Variants in IARS2 observed in about 807,000 individuals in gnomAD.
The protein encoded by IARS2 is isoleucine--tRNA ligase, mitochondrial.
A neutral mutation model predicts 126.3 loss-of-function variants in IARS2; 56 were observed. That is an observed-to-expected ratio of 0.44 (90% CI 0.36 to 0.55). The LOEUF (loss-of-function observed/expected upper bound fraction) is 0.55. IARS2 is among the 20% of genes least tolerant of loss of function. The pLI is 0.00. For missense variants in IARS2, 1,127 were observed against 1,245.9 expected, an observed-to-expected ratio of 0.90 and a Z score of 1.44; for synonymous variants, 407 against 441.1, an observed-to-expected ratio of 0.92 and a Z score of 0.97.
rs745688807 is a variant in IARS2, at chr1:220,102,313, G to C, written c.699+36G>C. The C allele has an allele frequency of 2.5e-6, 4 of 1,607,546 alleles. No homozygotes were observed. The Admixed American group carries it at 6.9e-5, about 28-fold the overall frequency. On this transcript the variant is annotated intron_variant, in intron 4 of 22. Transcript: ENST00000366922. ...ATTTTTTCTCTTTGAGTAGGTTTTA[G>C]TATGCGTTACAAGATTCTACTTTTA... is the stretch of plus-strand genomic sequence containing the variant.
Position 220,138,987 on chromosome 1 carries a change from AT to A in IARS2, c.2176-15del, listed in dbSNP as rs760401131. On this transcript the variant is annotated intron_variant, in intron 17 of 22. Transcript: ENST00000366922. ...CACCATTAGATTTTTTTAACTGCAT[AT>A]TTTTTCTTCCTATGAATAGCTTAGG... 4 of 1,594,190 alleles carry A rather than the reference AT, an allele frequency of 2.5e-6. 1 individual carries two copies. The highest frequency in any genetic ancestry group is 2.2e-5 in the East Asian group (1 of 44,588).
intron 14 of IARS2, among the ~76,000 whole-genome samples, chr1:220,132,849 A>T (rs771321997): frequency 6.6e-6 from 1 of 151,330 alleles, no homozygotes; most frequent in Non-Finnish European, 1.5e-5. Flanking sequence ...TTCATTTCTG[A>T]TTTTGTTTAT....
intron 3 of IARS2, among the ~76,000 whole-genome samples, chr1:220,101,456 G>A (rs912933495): frequency 3.9e-5 from 6 of 152,150 alleles, no homozygotes; most frequent in African/African-American, 1.4e-4. Context: ...AGCACTTTGG[G>A]AGGCTGAGGG....
rs1222455445 is a variant in IARS2, at chr1:220,094,428, T to TC, written c.216dup (p.Met73HisfsTer41). ...ACGGTGCTGCTGCCGCAGACGAGCT[T>TC]CCCCATGAAGCTGCTGGGCCGCCAG... On this transcript the variant is annotated frameshift_variant, in exon 1 of 23. Transcript: ENST00000366922. LOFTEE classifies it high-confidence loss of function. 1 of 1,611,730 alleles carries TC rather than the reference T, an allele frequency of 6.2e-7. No individual in the cohort carries two copies.
At position 220,145,520 on chromosome 1, in the gene IARS2, T is replaced by G; in HGVS notation, c.2763T>G (p.Ser921=). 1 of 1,611,448 alleles carries G rather than the reference T, an allele frequency of 6.2e-7. No individual in the cohort carries two copies. Among genetic ancestry groups the G allele is most frequent in the Non-Finnish European group, 8.5e-7 (1 of 1,178,476 alleles). Residue 921 remains serine, a synonymous_variant, in exon 22 of 23, where the codon TCT becomes TCG. Transcript: ENST00000366922. ...LLFEIIEMLQ[S]EETSSTSQLN... Reference sequence around the variant, plus strand: ...ATGCTTCCTTCCAGATGCTGCAGTCTGAAGAGACTTCCAGCACCTCTCAGT... The same window carrying G: ...ATGCTTCCTTCCAGATGCTGCAGTCGGAAGAGACTTCCAGCACCTCTCAGT...
At chr1:220,146,164 T>C (rs1191723548) in intron 22 of IARS2, among the ~76,000 whole-genome samples, 2 of 152,208 alleles carry the variant, frequency 1.3e-5, no homozygotes, top group African/African-American at 4.8e-5. Flanking sequence ...ATTTGTTTTA[T>C]AGAAGATTTT....
intron 15 of IARS2, chr1:220,134,977 A>AT (rs2102837474): frequency 6.6e-6 from 1 of 152,592 alleles, no homozygotes; most frequent in African/African-American, 2.4e-5. Context: ...CCCATTGCCC[A>AT]TGCTGGTCCC....
At position 220,126,979 on chromosome 1, in the gene IARS2, G is replaced by A. The variant is rs548633931; in HGVS notation, c.1837+136G>A. 3 of 584,624 alleles carry A rather than the reference G, an allele frequency of 5.1e-6. No homozygotes were observed. In the Admixed American group the frequency reaches 1.1e-4, roughly 21 times the overall value. The allele number at this position is 584,624 out of a possible 1,614,324, so 36.2% of individuals were successfully genotyped here. A position where few individuals can be genotyped will look rare whatever the true frequency, so the allele number is the denominator to read the frequency against. On this transcript the variant is annotated intron_variant, in intron 14 of 22. Transcript: ENST00000366922. The stretch of plus-strand genomic sequence containing the variant: ...ATCTGCTATATTTTAGACCTCGAAA[G>A]ACCCTTAGAGTTTACTTAATCCAAT...
chr1:220,122,836 C>T (rs927001959), intron 12 of IARS2, among the ~76,000 whole-genome samples: 1 of 151,534 alleles, frequency 6.6e-6, no homozygotes, highest in Admixed American at 6.6e-5. Context: ...TTTACTTTTA[C>T]TTCGATATTA....
intron 10 of IARS2, among the ~76,000 whole-genome samples, chr1:220,109,832 C>G (rs768275762): frequency 6.6e-6 from 1 of 152,322 alleles, no homozygotes; most frequent in East Asian, 1.9e-4. Flanking sequence ...CTGGTTTCCT[C>G]CAGATTACCT....
chr1:220,138,393 C>T (rs753631323), intron 17 of IARS2, among the ~76,000 whole-genome samples: 13 of 152,122 alleles, frequency 8.5e-5, no homozygotes, highest in Admixed American at 1.3e-4. Flanking sequence ...ATCACTTGAA[C>T]GCAGGAGGCG....
intron 10 of IARS2, among the ~76,000 whole-genome samples, chr1:220,108,394 A>AT (rs1446493858): frequency 2.3e-4 from 30 of 129,492 alleles, no homozygotes; most frequent in Non-Finnish European, 3.0e-4. Context: ...TTTTATTTTT[A>AT]TTTTTTTTTT....
chr1:220,095,089 A>G (rs1382679750), intron 1 of IARS2, among the ~76,000 whole-genome samples: 1 of 152,152 alleles, frequency 6.6e-6, no homozygotes, highest in African/African-American at 2.4e-5. Context: ...CCCAGGCTGG[A>G]GTGCAATGGC....
At chr1:220,129,777 C>T (rs1241818322) in intron 14 of IARS2, among the ~76,000 whole-genome samples, 1 of 152,094 alleles carries the variant, frequency 6.6e-6, no homozygotes, top group Admixed American at 6.5e-5. Context: ...TAGACTGGTT[C>T]CATATCTTGG....
At chr1:220,106,630 CTTT>C (rs200435156) in intron 9 of IARS2, among the ~76,000 whole-genome samples, 8 of 138,242 alleles carry the variant, frequency 5.8e-5, no homozygotes, top group Admixed American at 7.3e-5. Flanking sequence ...CTTTTCTTTT[CTTT>C]TTTTTTTTTT....
At chr1:220,144,306 G>A (rs1169783483) in intron 21 of IARS2, 29 of 756,530 alleles carry the variant, frequency 3.8e-5, no homozygotes, top group Non-Finnish European at 6.7e-5. Flanking sequence ...TTTTGGCATT[G>A]TTGATGCTCT....
In IARS2 at chr1:220,094,145, T is replaced by G; in HGVS notation, c.-72T>G. 1 of 1,363,538 alleles carries G rather than the reference T, an allele frequency of 7.3e-7. No individual in the cohort carries two copies. The highest frequency in any genetic ancestry group is 9.6e-7 in the Non-Finnish European group (1 of 1,046,580). 84.5% of individuals were successfully genotyped at this position (1,363,538 alleles called of 1,614,324 possible). A position where few individuals can be genotyped will look rare whatever the true frequency, so the allele number is the denominator to read the frequency against. On this transcript the variant is annotated 5_prime_UTR_variant, in exon 1 of 23. Transcript: ENST00000366922. ...GTGCGCCCTCTTACTCGGCTCCCCT[T>G]GGTTTCCTGGGGTCCTGCCCCTTCA...
At position 220,110,844 on chromosome 1, in the gene IARS2, C is replaced by CT; in HGVS notation, c.1387dup (p.Tyr463LeufsTer4). ...TGAAAGAGGAGAAATTGGTGCATAG[C>CT]TATCCGTATGACTGGAGGACCAAGA... is the stretch of plus-strand genomic sequence containing the variant. On this transcript the variant is annotated frameshift_variant, in exon 11 of 23. Coordinates refer to ENST00000366922, the MANE Select transcript of IARS2 (RefSeq NM_018060.4). LOFTEE classifies it high-confidence loss of function. The CT allele has an allele frequency of 6.2e-7, 1 of 1,612,954 alleles. No individual in the cohort carries two copies. Among genetic ancestry groups the CT allele is most frequent in the Non-Finnish European group, 8.5e-7 (1 of 1,179,120 alleles).
intron 22 of IARS2, among the ~76,000 whole-genome samples, chr1:220,146,444 G>A (rs1657591824): frequency 1.3e-5 from 2 of 151,250 alleles, no homozygotes; most frequent in South Asian, 2.1e-4. Flanking sequence ...CGTGAACCCC[G>A]GAGGCGGAGC....
Sources: gnomAD v4.1 joint callset for allele counts (sites outside exome capture counted in the v4.1 genomes callset) on GRCh38, gnomAD v4.1.1 for gene constraint, MANE v1.5 for transcripts, NCBI Gene and HGNC (gene_info 2026-07-23, HGNC 2026-07-21) for gene names.